The following ADGRV1 variants were observed in gnomAD, a reference collection of about 807,000 sequenced individuals.
ADGRV1 encodes adhesion G protein-coupled receptor V1, also known as G-protein coupled receptor 98.
ADGRV1 carries 359 observed loss-of-function variants against 596.2 expected under a neutral mutation model. The ratio of observed to expected loss-of-function variants is 0.60; its 90% CI spans 0.55 to 0.66. ADGRV1 has a LOEUF of 0.66. ADGRV1 is among the 30% of genes least tolerant of loss of function. The pLI, the probability that ADGRV1 is intolerant of heterozygous loss-of-function variation, is 0.00. For missense variants in ADGRV1, 7,274 were observed against 7,575.6 expected, an observed-to-expected ratio of 0.96 and a Z score of 1.48; for synonymous variants, 2,681 against 2,679.2, an observed-to-expected ratio of 1.00 and a Z score of -0.02.
chr5:90,895,130 C>A (rs1771185209), intron 83 of ADGRV1, among the ~76,000 whole-genome samples: 1 of 151,898 alleles, frequency 6.6e-6, no homozygotes, highest in Non-Finnish European at 1.5e-5. Flanking sequence ...GAGATGAGGT[C>A]TTGCTGTAAT....
At chr5:90,908,540 ATG>A (rs997557735) in intron 83 of ADGRV1, among the ~76,000 whole-genome samples, 1 of 152,208 alleles carries the variant, frequency 6.6e-6, no homozygotes, top group African/African-American at 2.4e-5. Flanking sequence ...TATTTCACAT[ATG>A]TGAAGAAATC....
intron 69 of ADGRV1, 43 bp downstream of exon 69, chr5:90,789,894 A>G: frequency 7.7e-7 from 1 of 1,303,158 alleles, no homozygotes. Context: ...AGTTTGCCTA[A>G]CAAATGTGGT....
intron 1 of ADGRV1, among the ~76,000 whole-genome samples, chr5:90,610,157 A>G (rs2152040251): frequency 6.6e-6 from 1 of 152,102 alleles, no homozygotes. Context: ...TATTTGAGTC[A>G]AGATGGGAGG....
rs529086410 is a variant in ADGRV1 at position 90,765,971 on chromosome 5, G to A, written c.12285+2502G>A. 1.5e-3 allele frequency among the ~76,000 whole-genome samples: 231 copies of A among 151,652 alleles called. 2 individuals are homozygous for A. Among genetic ancestry groups the A allele is most frequent in the African/African-American group, 5.2e-3 (213 of 41,312 alleles). ...GTCACCCAGGCTGGAGTGCAGTGGC[G>A]CGATCTCTGCTCACTGCAAGCTCCA... On this transcript the variant is annotated intron_variant, in intron 59 of 89. Transcript: ENST00000405460.
intron 84 of ADGRV1, among the ~76,000 whole-genome samples, chr5:90,971,008 A>C (rs903878629): frequency 6.6e-6 from 1 of 152,212 alleles, no homozygotes; most frequent in East Asian, 1.9e-4. Flanking sequence ...AGAAGTCCTT[A>C]AATGACCTGA....
chr5:91,041,153 T>G (rs1368227000), intron 85 of ADGRV1, among the ~76,000 whole-genome samples: 1 of 152,170 alleles, frequency 6.6e-6, no homozygotes, highest in Non-Finnish European at 1.5e-5. Context: ...ACCTAAAGGA[T>G]TATAAATCAT....
chr5:91,024,661 A>G (rs1404922538), intron 85 of ADGRV1, among the ~76,000 whole-genome samples: 2 of 152,172 alleles, frequency 1.3e-5, no homozygotes, highest in East Asian at 3.9e-4. Context: ...TGTTATTAAA[A>G]AAAAGTTACT....
At chr5:90,765,440 C>CAA (rs1177542744) in intron 59 of ADGRV1, among the ~76,000 whole-genome samples, 1 of 141,666 alleles carries the variant, frequency 7.1e-6, no homozygotes, top group African/African-American at 2.9e-5. Flanking sequence ...CACACACACA[C>CAA]ACACACACAC....
chr5:90,684,216 T>C (rs1315846680), intron 28 of ADGRV1, 21 bp downstream of exon 28: 1 of 1,476,886 alleles, frequency 6.8e-7, no homozygotes. Context: ...CTTAGTGTGT[T>C]ATTATTATTA....
chr5:90,890,662 T>C (rs914860857), intron 83 of ADGRV1, among the ~76,000 whole-genome samples: 1 of 152,164 alleles, frequency 6.6e-6, no homozygotes, highest in Non-Finnish European at 1.5e-5. Flanking sequence ...TCCTTACATA[T>C]AAATGTGACA....
At chr5:90,668,287 G>T (rs552894827) in intron 21 of ADGRV1, among the ~76,000 whole-genome samples, 5 of 152,246 alleles carry the variant, frequency 3.3e-5, no homozygotes, top group African/African-American at 1.2e-4. Context: ...GACCCTCTGA[G>T]CCAGGTGCGG....
intron 85 of ADGRV1, among the ~76,000 whole-genome samples, chr5:91,039,663 CTGA>C (rs1785179138): frequency 6.6e-6 from 1 of 152,116 alleles, no homozygotes; most frequent in African/African-American, 2.4e-5. Flanking sequence ...TGGGAAAGAG[CTGA>C]AACATCACAG....
chr5:90,994,343 A>G (rs1352341081), intron 85 of ADGRV1, among the ~76,000 whole-genome samples: 2 of 152,142 alleles, frequency 1.3e-5, no homozygotes, highest in Non-Finnish European at 2.9e-5. Context: ...GATTACAGGC[A>G]TGAGCTGCCA....
intron 58 of ADGRV1, among the ~76,000 whole-genome samples, chr5:90,761,917 A>G (rs1415732479): frequency 6.6e-6 from 1 of 152,224 alleles, no homozygotes; most frequent in Non-Finnish European, 1.5e-5. Flanking sequence ...GGTAACATGA[A>G]GTTTATCTTT....
intron 86 of ADGRV1, among the ~76,000 whole-genome samples, chr5:91,099,506 G>A (rs1791179907): frequency 6.6e-6 from 1 of 152,160 alleles, no homozygotes; most frequent in Admixed American, 6.5e-5. Context: ...TGGAATTGTG[G>A]GACACTGAGT....
At chr5:91,130,783 T>G (rs184054146) in intron 87 of ADGRV1, among the ~76,000 whole-genome samples, 23 of 152,314 alleles carry the variant, frequency 1.5e-4, no homozygotes, top group Non-Finnish European at 2.6e-4. Context: ...CCCTTCATCC[T>G]TCCCCCTTTT....
chr5:90,607,729 C>T (rs1457575462), intron 1 of ADGRV1, among the ~76,000 whole-genome samples: 2 of 152,134 alleles, frequency 1.3e-5, no homozygotes, highest in Non-Finnish European at 2.9e-5. Flanking sequence ...AAGCCACATC[C>T]TTCTGCACAT....
chr5:90,647,655 G>T lies in ADGRV1; in HGVS notation c.3180G>T (p.Thr1060=). ...TCATTCCTGTTGAAAAAGGAGAAAC[G>T]CTCATTTTTGAGGTTGGAAGTAGAC... ...RDFIPVEKGE[T]LIFEVGSRQQ... Residue 1060 remains threonine (T), a synonymous_variant, in exon 17 of 90, where the codon ACG becomes ACT. Coordinates refer to ENST00000405460, the MANE Select transcript of ADGRV1 (RefSeq NM_032119.4). 3 of 1,613,888 alleles carry T rather than the reference G, an allele frequency of 1.9e-6. No homozygotes were observed. The highest frequency in any genetic ancestry group is 2.7e-5 in the African/African-American group (2 of 75,016).
At chr5:91,081,940 T>A (rs1459302152) in intron 86 of ADGRV1, among the ~76,000 whole-genome samples, 1 of 152,218 alleles carries the variant, frequency 6.6e-6, no homozygotes, top group Non-Finnish European at 1.5e-5. Flanking sequence ...ACAACTAAAT[T>A]CACTGTTGCT....
Sources: gnomAD v4.1 joint callset for allele counts (sites outside exome capture counted in the v4.1 genomes callset) on GRCh38, gnomAD v4.1.1 for gene constraint, MANE v1.5 for transcripts, NCBI Gene and HGNC (gene_info 2026-07-23, HGNC 2026-07-21) for gene names.